The following LHFPL4 variants were observed in gnomAD, a reference collection of about 807,000 sequenced individuals.
LHFPL4 encodes the protein LHFPL tetraspan subfamily member 4 protein.
Under a neutral mutation model 20.0 loss-of-function variants are expected in LHFPL4, and 6 were observed. The ratio of observed to expected loss-of-function variants is 0.30; its 90% CI spans 0.16 to 0.59. The LOEUF is 0.59. Ranked by LOEUF, LHFPL4 falls within the 20% of genes least tolerant of loss-of-function variation. The probability of loss-of-function intolerance (pLI) is 0.88; values close to 1 mark genes in which losing one functional copy is unlikely to be tolerated. For missense variants in LHFPL4, 215 were observed against 331.2 expected (o/e 0.65, Z 2.72); for synonymous variants, 129 against 143.8 (o/e 0.90, Z 0.74).
At chr3:9,545,583 T>G (rs2046506751) in intron 2 of LHFPL4, among the ~76,000 whole-genome samples, 1 of 152,126 alleles carries the variant, frequency 6.6e-6, no homozygotes, top group Admixed American at 6.5e-5. Flanking sequence ...CTGGCCAACA[T>G]GGTGAAACCC....
intron 2 of LHFPL4, among the ~76,000 whole-genome samples, chr3:9,543,274 G>A (rs1162356555): frequency 6.6e-6 from 1 of 151,918 alleles, no homozygotes; most frequent in Non-Finnish European, 1.5e-5. Flanking sequence ...GGCCGAGGTG[G>A]GCGGATCACG....
intron 2 of LHFPL4, among the ~76,000 whole-genome samples, chr3:9,539,642 T>G (rs2046465456): frequency 6.6e-6 from 1 of 151,808 alleles, no homozygotes; most frequent in Non-Finnish European, 1.5e-5. Flanking sequence ...AAGAAAATAA[T>G]TTCCCCATGG....
chr3:9,502,206 G>A lies in LHFPL4; in HGVS notation c.*5C>T. Reference sequence around the variant, plus strand: ...GGCCAATTACTGGGCTGTGATCCTGGCCTTTCAGGGTCCCTGTGAGTGAGC... The same window carrying A: ...GGCCAATTACTGGGCTGTGATCCTGACCTTTCAGGGTCCCTGTGAGTGAGC... On this transcript the variant is annotated 3_prime_UTR_variant, in exon 4 of 4. Transcript: ENST00000287585. 2 of 1,610,070 alleles carry A rather than the reference G, an allele frequency of 1.2e-6. No individual in the cohort carries two copies.
rs545138334 is a variant in LHFPL4 at position 9,504,131 on chromosome 3, G to A, written c.644-1820C>T. 5.3e-5 allele frequency among the ~76,000 whole-genome samples: 8 copies of A among 152,332 alleles called. No individual in the cohort carries two copies. The South Asian group carries it at 1.7e-3, about 32-fold the overall frequency. On this transcript the variant is annotated intron_variant, in intron 3 of 3. Coordinates refer to ENST00000287585, the MANE Select transcript of LHFPL4 (RefSeq NM_198560.3). The stretch of plus-strand genomic sequence containing the variant: ...CATGCCTGTAATCCCAACACTTTGG[G>A]AAGCTGAGGCAGGCAGATCACTTGA...
chr3:9,504,181 G>A (rs945290136), intron 3 of LHFPL4, among the ~76,000 whole-genome samples: 1 of 152,104 alleles, frequency 6.6e-6, no homozygotes, highest in Non-Finnish European at 1.5e-5. Flanking sequence ...GACCAGCCTG[G>A]CCAACATGGT....
Position 9,506,126 on chromosome 3 carries a change from T to C in LHFPL4, c.484A>G (p.Lys162Glu). ...AETIRDMCGA[K>E]TGKYSLGDCS... Reference sequence around the variant, plus strand: ...TCCCCCAGGGAGTACTTCCCCGTCTTGGCCCCACACATGTCCCGGATGGTC... The same window carrying C: ...TCCCCCAGGGAGTACTTCCCCGTCTCGGCCCCACACATGTCCCGGATGGTC... Residue 162 changes from lysine (K) to glutamate (E), a missense_variant, in exon 3 of 4, where the codon AAG becomes GAG. Coordinates refer to ENST00000287585, the MANE Select transcript of LHFPL4 (RefSeq NM_198560.3). This position sits in a 1 kb window ranked among gnomAD's most constrained non-coding sequence, Gnocchi z 4.5. The C allele has an allele frequency of 6.2e-7, 1 of 1,614,144 alleles. No individual in the cohort carries two copies. The highest frequency in any genetic ancestry group is 8.5e-7 in the Non-Finnish European group (1 of 1,180,012).
At chr3:9,518,433 G>T (rs1843013) in intron 2 of LHFPL4, among the ~76,000 whole-genome samples, 384 of 152,080 alleles carry the variant, frequency 2.5e-3, no homozygotes, top group African/African-American at 8.7e-3. Flanking sequence ...AAATGAGTTA[G>T]GAAGTTTTCT....
At position 9,506,202 on chromosome 3, in the gene LHFPL4, A is replaced by G. The variant is rs1392151708; in HGVS notation, c.408T>C (p.Ala136=). The G allele has an allele frequency of 2.5e-6, 4 of 1,612,780 alleles. No individual in the cohort carries two copies. The African/African-American group carries it at 5.3e-5, about 22-fold the overall frequency. The stretch of plus-strand genomic sequence containing the variant: ...TCATGCAGCCCAGGACGAGGCACAG[A>G]GCTGAGGGGCAGAGCACCGGGCCCA... ...KICAWMQLLA[A]LCLVLGCMIF... Residue 136 remains alanine (A), a splice_region_variant and synonymous_variant, in exon 3 of 4, where the codon GCT becomes GCC. Transcript: ENST00000287585. The surrounding 1 kb of genome is among the most constrained non-coding windows in gnomAD (Gnocchi z 4.5).
rs9822388 is a variant in LHFPL4 at position 9,526,074 on chromosome 3, C to T, written c.407-19871G>A. ...AGGAAAGAAATTCTGACACATGATA[C>T]AACATGGAGGAATCCTGAAGACACT... On this transcript the variant is annotated intron_variant, in intron 2 of 3. Coordinates refer to ENST00000287585, the MANE Select transcript of LHFPL4 (RefSeq NM_198560.3). 3.2e-3 allele frequency among the ~76,000 whole-genome samples: 483 copies of T among 152,218 alleles called. 3 individuals are homozygous for T. The highest frequency in any genetic ancestry group is 0.011 in the African/African-American group (447 of 41,552).
chr3:9,513,679 G>A (rs1408835636), intron 2 of LHFPL4, among the ~76,000 whole-genome samples: 1 of 152,178 alleles, frequency 6.6e-6, no homozygotes, highest in East Asian at 1.9e-4. Context: ...TTCACATGCA[G>A]TCGAACCTAG....
chr3:9,503,975 A>G (rs575360614), intron 3 of LHFPL4, among the ~76,000 whole-genome samples: 353 of 152,072 alleles, frequency 2.3e-3, no homozygotes, highest in Non-Finnish European at 3.6e-3. Context: ...GCAGTGAGCT[A>G]TGATTGCACC....
intron 2 of LHFPL4, among the ~76,000 whole-genome samples, chr3:9,544,625 AAAACAAAC>A (rs560511934): frequency 4.1e-4 from 62 of 152,248 alleles, no homozygotes; most frequent in South Asian, 6.2e-4. Flanking sequence ...ACTCTATCTC[AAAACAAAC>A]AAACAAACAA....
chr3:9,527,859 C>A (rs2046385282), intron 2 of LHFPL4, among the ~76,000 whole-genome samples: 1 of 148,580 alleles, frequency 6.7e-6, no homozygotes, highest in East Asian at 2.1e-4. Context: ...CAGAGGCATA[C>A]CCTGGGGATA....
At chr3:9,547,310 G>A (rs570705110) in intron 2 of LHFPL4, among the ~76,000 whole-genome samples, 6 of 152,158 alleles carry the variant, frequency 3.9e-5, no homozygotes, top group African/African-American at 9.6e-5. Flanking sequence ...GGTCTTACAC[G>A]ACTAGCACAT....
intron 2 of LHFPL4, among the ~76,000 whole-genome samples, chr3:9,541,459 G>A (rs531525887): frequency 3.2e-4 from 49 of 152,244 alleles, no homozygotes; most frequent in Middle Eastern, 3.4e-3. Context: ...ATGTCACACC[G>A]TATACAAATA....
intron 2 of LHFPL4, among the ~76,000 whole-genome samples, chr3:9,528,720 A>G (rs940895943): frequency 1.3e-5 from 2 of 151,984 alleles, no homozygotes; most frequent in Non-Finnish European, 2.9e-5. Context: ...GGTTCAAGCA[A>G]TTCTCCTGCC....
At chr3:9,531,480 G>C (rs1226416938) in intron 2 of LHFPL4, among the ~76,000 whole-genome samples, 1 of 152,186 alleles carries the variant, frequency 6.6e-6, no homozygotes, top group African/African-American at 2.4e-5. Context: ...GGGAGAGAGG[G>C]AAGGAGGCAG....
chr3:9,523,554 C>T (rs2046354185), intron 2 of LHFPL4, among the ~76,000 whole-genome samples: 1 of 151,648 alleles, frequency 6.6e-6, no homozygotes, highest in South Asian at 2.1e-4. Flanking sequence ...CTCACTGCAA[C>T]CTCCGCCTCC....
At chr3:9,547,519 T>C (rs939063242) in intron 2 of LHFPL4, among the ~76,000 whole-genome samples, 3 of 152,234 alleles carry the variant, frequency 2.0e-5, no homozygotes, top group Admixed American at 6.5e-5. Flanking sequence ...TAGACTTGCG[T>C]TGAGTTTTAG....
Sources: gnomAD v4.1 joint callset for allele counts (sites outside exome capture counted in the v4.1 genomes callset) on GRCh38, gnomAD v4.1.1 for gene constraint, Gnocchi (gnomAD v3.1) non-coding constraint, MANE v1.5 for transcripts, NCBI Gene and HGNC (gene_info 2026-07-23, HGNC 2026-07-21) for gene names.